The following KCNQ1 variants were observed in gnomAD, a reference collection of about 807,000 sequenced individuals.
KCNQ1 encodes potassium voltage-gated channel subfamily Q member 1.
In KCNQ1, 49 loss-of-function variants were observed where a neutral mutation model predicts 72.4. The ratio of observed to expected loss-of-function variants is 0.68; its 90% confidence interval spans 0.54 to 0.86. The LOEUF (loss-of-function observed/expected upper bound fraction) is 0.86. KCNQ1 is among the 40% of genes least tolerant of loss of function. KCNQ1 has a pLI of 0.00. For synonymous variants in KCNQ1, 450 were observed against 412.6 expected (o/e 1.09, Z -1.10); for missense variants, 790 against 945.1 (o/e 0.84, Z 2.15).
chr11:2,610,276 G>T, intron 10 of KCNQ1: 2 of 397,840 alleles, frequency 5.0e-6, no homozygotes, highest in Non-Finnish European at 8.9e-6. Flanking sequence ...TCCTGTATGA[G>T]TTTATTCAGT....
intron 1 of KCNQ1, among the ~76,000 whole-genome samples, chr11:2,503,729 G>C (rs35474939): frequency 6.6e-6 from 1 of 152,012 alleles, no homozygotes; most frequent in East Asian, 1.9e-4. Flanking sequence ...TAAATGAAAA[G>C]GTACTCAACG....
At chr11:2,793,539 G>A (rs909277097) in intron 15 of KCNQ1, among the ~76,000 whole-genome samples, 7 of 152,206 alleles carry the variant, frequency 4.6e-5, no homozygotes, top group Admixed American at 3.3e-4. Flanking sequence ...TAGAAGAATC[G>A]CTTGAGCCCA....
intron 10 of KCNQ1, among the ~76,000 whole-genome samples, chr11:2,590,475 C>A (rs1435282851): frequency 1.3e-5 from 2 of 152,228 alleles, no homozygotes; most frequent in Non-Finnish European, 2.9e-5. Context: ...CCAGAAAGCA[C>A]TAGTTTAGGC....
At position 2,601,829 on chromosome 11, in the gene KCNQ1, A is replaced by G. The variant is rs76698782; in HGVS notation, c.1393+12975A>G. On this transcript the variant is annotated intron_variant, in intron 10 of 15. Coordinates refer to ENST00000155840, the MANE Select transcript of KCNQ1 (RefSeq NM_000218.3). The surrounding 1 kb of genome is among the most constrained non-coding windows in gnomAD (Gnocchi z 5.2). ...TTTAACCATTCCCTCATCCAAGGACATGTGGGTCATTCCCAGTTTGGGCTA... is the reference window on the plus strand; with the variant it reads ...TTTAACCATTCCCTCATCCAAGGACGTGTGGGTCATTCCCAGTTTGGGCTA... Among the ~76,000 whole-genome samples, 6,713 of 152,264 alleles carry G rather than the reference A, an allele frequency of 0.044. 483 individuals carry two copies. Among genetic ancestry groups the G allele is most frequent in the African/African-American group, 0.15 (6,226 of 41,500 alleles).
intron 1 of KCNQ1, among the ~76,000 whole-genome samples, chr11:2,490,440 G>A (rs1080016): frequency 0.53 from 80,555 of 152,078 alleles, 22,733 homozygotes; most frequent in Non-Finnish European, 0.63. Context: ...ATAGGTGGTA[G>A]CCAGGTAGTG....
chr11:2,510,768 C>T (rs949167124), intron 1 of KCNQ1, among the ~76,000 whole-genome samples: 1 of 152,216 alleles, frequency 6.6e-6, no homozygotes, highest in Non-Finnish European at 1.5e-5. Flanking sequence ...CAGAGCCTGC[C>T]TCCAGGTCCT....
chr11:2,501,148 C>G (rs1283333510), intron 1 of KCNQ1, among the ~76,000 whole-genome samples: 1 of 151,740 alleles, frequency 6.6e-6, no homozygotes, highest in African/African-American at 2.4e-5. Context: ...AAGAGTAAGT[C>G]AACCTAAAAT....
rs1159022533 is a variant in KCNQ1 at position 2,498,983 on chromosome 11, C to T, written c.387-28945C>T. ...TCCCTCGGCTGGGGGAGGGAGGTCT[C>T]CCGGCTCCTTGCACTTCCCAGGTGA... On this transcript the variant is annotated intron_variant, in intron 1 of 15. Transcript: ENST00000155840. The surrounding 1 kb of genome is among the most constrained non-coding windows in gnomAD (Gnocchi z 4.8). Among the ~76,000 whole-genome samples the T allele has an allele frequency of 6.6e-6, 1 of 152,164 alleles. No individual in the cohort carries two copies. The highest frequency in any genetic ancestry group is 2.4e-5 in the African/African-American group (1 of 41,438).
In KCNQ1 at chr11:2,652,160, G is replaced by A. The variant is rs772776049; in HGVS notation, c.1394-9801G>A. The A allele has an allele frequency of 2.5e-6, 1 of 398,690 alleles. No individual in the cohort carries two copies. Among genetic ancestry groups the A allele is most frequent in the Non-Finnish European group, 4.4e-6 (1 of 226,126 alleles). 24.7% of individuals were successfully genotyped at this position (398,690 alleles called of 1,614,324 possible). On this transcript the variant is annotated intron_variant, in intron 10 of 15. Coordinates refer to ENST00000155840, the MANE Select transcript of KCNQ1 (RefSeq NM_000218.3). This position sits in a 1 kb window ranked among gnomAD's most constrained non-coding sequence, Gnocchi z 5.9. ...TGTTTCTCAAGCCCGCGCCCTCGGG[G>A]CCTGGGGGTGGGGCCCCAGCAGATG...
At chr11:2,641,092 A>G (rs1445696953) in intron 10 of KCNQ1, 5 of 398,384 alleles carry the variant, frequency 1.3e-5, no homozygotes, top group Non-Finnish European at 1.8e-5. Flanking sequence ...TCCTGAGTCC[A>G]TATCTTTGCT....
intron 1 of KCNQ1, among the ~76,000 whole-genome samples, chr11:2,505,134 G>A (rs1487818096): frequency 1.3e-5 from 2 of 151,812 alleles, no homozygotes; most frequent in African/African-American, 2.4e-5. Context: ...TGTGTGCCAC[G>A]GTGGTTTGCT....
At chr11:2,574,056 C>T (rs1331425954) in intron 6 of KCNQ1, among the ~76,000 whole-genome samples, 1 of 152,182 alleles carries the variant, frequency 6.6e-6, no homozygotes, top group African/African-American at 2.4e-5. Context: ...TTTATATATG[C>T]ATGGAGCTCA....
In KCNQ1 at chr11:2,818,249, G is replaced by A. The variant is rs377274018; in HGVS notation, c.1795-29518G>A. On this transcript the variant is annotated intron_variant, in intron 15 of 15. Coordinates refer to ENST00000155840, the MANE Select transcript of KCNQ1 (RefSeq NM_000218.3). This position sits in a 1 kb window ranked among gnomAD's most constrained non-coding sequence, Gnocchi z 7.2. ...CAAGAGTGTGGGGGTCAGGAATGGC[G>A]TCCTTGTGCCCTTGTCACCCACTCC... Among the ~76,000 whole-genome samples, 18 of 152,230 alleles carry A rather than the reference G, an allele frequency of 1.2e-4. No homozygotes were observed. The highest frequency in any genetic ancestry group is 3.9e-4 in the East Asian group (2 of 5,170).
intron 11 of KCNQ1, chr11:2,699,729 G>A: frequency 6.1e-6 from 2 of 328,776 alleles, no homozygotes; most frequent in East Asian, 1.0e-4. Flanking sequence ...TCCCCGGGGA[G>A]AACTGCGCCG....
intron 2 of KCNQ1, among the ~76,000 whole-genome samples, chr11:2,552,169 T>G (rs1458277128): frequency 6.6e-6 from 1 of 152,192 alleles, no homozygotes; most frequent in African/African-American, 2.4e-5. Context: ...CTAAGAAATA[T>G]TCGCCTAATC....
In KCNQ1 at chr11:2,463,415, C is replaced by G. The variant is rs2133585201; in HGVS notation, c.386+17931C>G. On this transcript the variant is annotated intron_variant, in intron 1 of 15. Transcript: ENST00000155840. The surrounding 1 kb of genome is among the most constrained non-coding windows in gnomAD (Gnocchi z 7.0). ...TACAGCTGCACGGAGGCGCAGCACC[C>G]ACAGGACAAGTGGTGGAATGTTCTG... Among the ~76,000 whole-genome samples, 1 of 152,308 alleles carries G rather than the reference C, an allele frequency of 6.6e-6. No homozygotes were observed. Among genetic ancestry groups the G allele is most frequent in the South Asian group, 2.1e-4 (1 of 4,834 alleles).
In KCNQ1 at chr11:2,497,905, T is replaced by A. The variant is rs1466986579; in HGVS notation, c.387-30023T>A. 6.6e-6 allele frequency among the ~76,000 whole-genome samples: 1 copy of A among 152,212 alleles called. No homozygotes were observed. The highest frequency in any genetic ancestry group is 1.5e-5 in the Non-Finnish European group (1 of 68,046). ...ATTTTGTTGCTTTCTGTTTGCTAGC[T>A]TTTCTTCTAAGAGTCAAGCCTGCAG... On this transcript the variant is annotated intron_variant, in intron 1 of 15. Transcript: ENST00000155840. This position sits in a 1 kb window ranked among gnomAD's most constrained non-coding sequence, Gnocchi z 4.5.
chr11:2,727,822 G>A (rs1381089402), intron 11 of KCNQ1, among the ~76,000 whole-genome samples: 3 of 152,282 alleles, frequency 2.0e-5, no homozygotes, highest in African/African-American at 7.2e-5. Context: ...GTGTGGGCTC[G>A]TCTTGCACTA....
intron 10 of KCNQ1, chr11:2,628,989 A>G (rs959515180): frequency 2.5e-6 from 1 of 398,312 alleles, no homozygotes; most frequent in African/African-American, 2.1e-5. Flanking sequence ...TACCAGTACC[A>G]TAACTTTGAA....
Sources: gnomAD v4.1 joint callset for allele counts (sites outside exome capture counted in the v4.1 genomes callset) on GRCh38, gnomAD v4.1.1 for gene constraint, Gnocchi (gnomAD v3.1) non-coding constraint, MANE v1.5 for transcripts, NCBI Gene and HGNC (gene_info 2026-07-23, HGNC 2026-07-21) for gene names.